Variants in ICA1L observed in about 807,000 individuals in gnomAD.
ICA1L encodes the protein islet cell autoantigen 1 like.
A neutral mutation model predicts 61.3 loss-of-function variants in ICA1L; 50 were observed. That is an observed-to-expected ratio of 0.82 (90% CI 0.65 to 1.03). The LOEUF (loss-of-function observed/expected upper bound fraction) is 1.03, where lower values mean the gene tolerates loss of function less well. Among genes scored for constraint, ICA1L ranks in the 50% least tolerant of loss-of-function variants. ICA1L has a pLI of 0.00. For synonymous variants in ICA1L, 161 were observed against 191.3 expected (o/e 0.84, Z 1.31); for missense variants, 508 against 556.7 (o/e 0.91, Z 0.88).
At chr2:202,829,102 A>G in intron 1 of ICA1L, 86 bp from the exon 2 acceptor site, 1 of 1,130,296 alleles carries the variant, frequency 8.8e-7, no homozygotes, top group South Asian at 1.6e-5. Flanking sequence ...TAATTCCACA[A>G]CTTTGGGAGG....
chr2:202,819,842 TTGAC>T lies in ICA1L; in HGVS notation c.413_416del (p.Ser138LysfsTer8). 1 of 1,614,152 alleles carries T rather than the reference TTGAC, an allele frequency of 6.2e-7. No homozygotes were observed. Among genetic ancestry groups the T allele is most frequent in the Non-Finnish European group, 8.5e-7 (1 of 1,180,008 alleles). On this transcript the variant is annotated frameshift_variant, in exon 5 of 13. Transcript: ENST00000358299. LOFTEE classifies it high-confidence loss of function. Reference sequence around the variant, plus strand: ...TCATCAAGGTATCAGATACTGCCCTTTGACTGAATGTTGCTACTTCTTGCTTCAG... The same window carrying T: ...TCATCAAGGTATCAGATACTGCCCTTTGAATGTTGCTACTTCTTGCTTCAG...
intron 11 of ICA1L, among the ~76,000 whole-genome samples, chr2:202,787,071 A>G (rs1382917875): frequency 9.2e-5 from 14 of 152,166 alleles, no homozygotes; most frequent in Non-Finnish European, 2.1e-4. Flanking sequence ...CCTGGTCTGT[A>G]CCACAGGAGA....
intron 1 of ICA1L, among the ~76,000 whole-genome samples, chr2:202,831,692 C>T (rs1194457304): frequency 6.6e-6 from 1 of 152,184 alleles, no homozygotes; most frequent in Non-Finnish European, 1.5e-5. Context: ...TAGACTCCTC[C>T]ATTTCTGGAA....
At position 202,807,153 on chromosome 2, in the gene ICA1L, A is replaced by C. The variant is rs183323372; in HGVS notation, c.910+4593T>G. ...AAGAAAGAACCTTCATAACAACCAA[A>C]CATCGGGTGAGAGATCACAGTACCT... On this transcript the variant is annotated intron_variant, in intron 9 of 12. Transcript: ENST00000358299. 5.8e-4 allele frequency among the ~76,000 whole-genome samples: 88 copies of C among 152,328 alleles called. 1 individual carries two copies. The highest frequency in any genetic ancestry group is 1.7e-3 in the South Asian group (8 of 4,828).
intron 1 of ICA1L, chr2:202,871,129 T>C (rs1483450357): frequency 6.6e-6 from 1 of 152,200 alleles, no homozygotes; most frequent in Non-Finnish European, 1.5e-5. Flanking sequence ...GACATTCCCA[T>C]TACAAAATAA....
chr2:202,811,802 CA>C lies in ICA1L; in HGVS notation c.867-14del, dbSNP rs201297577. On this transcript the variant is annotated splice_polypyrimidine_tract_variant and intron_variant, in intron 8 of 12. Coordinates refer to ENST00000358299, the MANE Select transcript of ICA1L (RefSeq NM_001288622.3). ...AGACAAAACTAGCCTGAAGTAAAAA[CA>C]AAAAAAAATGTAGATTTTTTGTTAT... 1,239 of 1,549,332 alleles carry C rather than the reference CA, an allele frequency of 8.0e-4. 4 individuals carry two copies. Among genetic ancestry groups the C allele is most frequent in the East Asian group, 7.4e-3 (323 of 43,470 alleles).
Position 202,816,984 on chromosome 2 carries a change from C to T in ICA1L, c.684+434G>A, listed in dbSNP as rs16839325. Among the ~76,000 whole-genome samples, 672 of 152,214 alleles carry T rather than the reference C, an allele frequency of 4.4e-3. 6 individuals carry two copies. Among genetic ancestry groups the T allele is most frequent in the African/African-American group, 0.015 (635 of 41,532 alleles). ...ACTTTGGTTTCTAAGCCAACATTGC[C>T]GTTCACTTTAATTCTCATAGGTGTC... On this transcript the variant is annotated intron_variant, in intron 6 of 12. Coordinates refer to ENST00000358299, the MANE Select transcript of ICA1L (RefSeq NM_001288622.3).
At chr2:202,816,192 G>C (rs768706239) in intron 6 of ICA1L, among the ~76,000 whole-genome samples, 183 bp from the exon 7 acceptor site, 1 of 152,116 alleles carries the variant, frequency 6.6e-6, no homozygotes, top group Non-Finnish European at 1.5e-5. Flanking sequence ...CAAAAGAATC[G>C]GCATCTGTGT....
chr2:202,838,385 G>T (rs1574368379), intron 1 of ICA1L, among the ~76,000 whole-genome samples: 1 of 152,144 alleles, frequency 6.6e-6, no homozygotes, highest in African/African-American at 2.4e-5. Context: ...TTCTTGAGAA[G>T]AATTTGTATT....
intron 11 of ICA1L, among the ~76,000 whole-genome samples, chr2:202,787,095 A>G (rs538194206): frequency 6.6e-6 from 1 of 152,326 alleles, no homozygotes; most frequent in African/African-American, 2.4e-5. Flanking sequence ...AAAAGTAAAT[A>G]TAAAGGAAAG....
intron 7 of ICA1L, among the ~76,000 whole-genome samples, chr2:202,815,077 C>G (rs1301489893): frequency 6.6e-6 from 1 of 152,190 alleles, no homozygotes; most frequent in African/African-American, 2.4e-5. Context: ...TGTTTCTAGT[C>G]TGTATCACAA....
intron 1 of ICA1L, among the ~76,000 whole-genome samples, chr2:202,830,542 A>G (rs17594321): frequency 7.3e-4 from 111 of 152,236 alleles, no homozygotes; most frequent in Non-Finnish European, 1.4e-3. Flanking sequence ...AACATTTTGG[A>G]TCTAAAGCCC....
intron 1 of ICA1L, chr2:202,841,405 G>A (rs1245731067): frequency 1.7e-6 from 2 of 1,149,612 alleles, no homozygotes; most frequent in East Asian, 4.7e-5. Flanking sequence ...TGCTGCTGCA[G>A]GAGGGCTCCA....
chr2:202,842,757 T>G (rs1694366576), intron 1 of ICA1L, among the ~76,000 whole-genome samples: 1 of 152,230 alleles, frequency 6.6e-6, no homozygotes, highest in South Asian at 2.1e-4. Flanking sequence ...TGTCCCTCTC[T>G]TCTTCTGCTT....
chr2:202,853,986 A>G (rs1156548193), intron 1 of ICA1L, among the ~76,000 whole-genome samples: 1 of 152,198 alleles, frequency 6.6e-6, no homozygotes, highest in Non-Finnish European at 1.5e-5. Context: ...TGCATCAACT[A>G]ATGTGCAAAA....
Position 202,774,240 on chromosome 2 carries a change from TCTC to T in ICA1L, c.*5290_*5292del. The T allele has an allele frequency of 6.5e-7, 1 of 1,547,522 alleles. No homozygotes were observed. The highest frequency in any genetic ancestry group is 8.7e-7 in the Non-Finnish European group (1 of 1,145,874). ...AAGGCGCGGGGCGGCTCCTGAGTCT[TCTC>T]GCTCCTGTCGGCCAAAGGCCGTGAC... is the stretch of plus-strand genomic sequence containing the variant. On this transcript the variant is annotated 3_prime_UTR_variant, in exon 13 of 13. Coordinates refer to ENST00000358299, the MANE Select transcript of ICA1L (RefSeq NM_001288622.3).
At chr2:202,868,983 AC>A (rs1687609454) in intron 1 of ICA1L, among the ~76,000 whole-genome samples, 1 of 151,860 alleles carries the variant, frequency 6.6e-6, no homozygotes, top group Admixed American at 6.6e-5. Flanking sequence ...AACAACAACA[AC>A]AACAACAACA....
At chr2:202,853,057 T>A (rs892087050) in intron 1 of ICA1L, among the ~76,000 whole-genome samples, 1 of 151,876 alleles carries the variant, frequency 6.6e-6, no homozygotes, top group African/African-American at 2.4e-5. Context: ...TAATTCAAGA[T>A]TGATCAAAGA....
Position 202,779,596 on chromosome 2 carries a change from GT to G in ICA1L, c.1385del (p.Asp462AlafsTer23). On this transcript the variant is annotated frameshift_variant, in exon 13 of 13. Transcript: ENST00000358299. LOFTEE classifies it high-confidence loss of function. ...CATCTGGGTTTGAAAGTGGATCCAA[GT>G]CTGCAAACAGATTGAACCAGGCTGA... ...DMSAWFNLFADLDPLSNPDAI... is the reference protein window; with the variant it reads ...DMSAWFNLFAXLDPLSNPDAI... 1 of 1,613,592 alleles carries G rather than the reference GT, an allele frequency of 6.2e-7. No homozygotes were observed. The highest frequency in any genetic ancestry group is 8.5e-7 in the Non-Finnish European group (1 of 1,179,846).
Sources: allele counts gnomAD v4.1 joint callset (sites outside exome capture counted in the v4.1 genomes callset), GRCh38; gene constraint gnomAD v4.1.1; transcripts MANE v1.5; gene names NCBI Gene and HGNC (gene_info 2026-07-23, HGNC 2026-07-21).